The following SPART variants were observed in gnomAD, a reference collection of about 807,000 sequenced individuals.
The protein encoded by SPART is spastic paraplegia 20 (Troyer syndrome).
In SPART, 35 loss-of-function variants were observed where a neutral mutation model predicts 58.7. The ratio of observed to expected loss-of-function variants is 0.60; its 90% CI spans 0.46 to 0.79. SPART has a LOEUF of 0.79. SPART is among the 30% of genes least tolerant of loss of function. SPART has a pLI of 0.00. For missense variants in SPART, 730 were observed against 786.1 expected (o/e 0.93, Z 0.85); for synonymous variants, 284 against 280.7 (o/e 1.01, Z -0.12).
chr13:36,312,437 T>G lies in SPART; in HGVS notation c.1524A>C (p.Glu508Asp), dbSNP rs765952856. 1.2e-6 allele frequency: 2 copies of G among 1,614,172 alleles called. No homozygotes were observed. The highest frequency in any genetic ancestry group is 3.3e-5 in the Admixed American group (2 of 60,016). The change falls in exon 7 of 9, where the codon GAA becomes GAC. Residue 508 changes from glutamate to aspartate, a missense_variant. Coordinates refer to ENST00000438666, the MANE Select transcript of SPART (RefSeq NM_015087.5). ...VCTVANCVGK[E>D]LAPHVKKHGS... The stretch of plus-strand genomic sequence containing the variant: ...CATGCTTCTTGACATGTGGAGCTAG[T>G]TCTTTTCCAACGCAATTTGCTACAG...
chr13:36,347,844 CTAAA>C (rs1885241824), upstream of SPART, among the ~76,000 whole-genome samples: 1 of 152,146 alleles, frequency 6.6e-6, no homozygotes, highest in African/African-American at 2.4e-5. Context: ...CCAGTGGAAT[CTAAA>C]TACCAATTTA....
chr13:36,319,591 A>T (rs941602054), intron 5 of SPART, among the ~76,000 whole-genome samples: 2 of 151,210 alleles, frequency 1.3e-5, no homozygotes, highest in Non-Finnish European at 2.9e-5. Flanking sequence ...TCTGCATCTT[A>T]TCAACCAAAT....
chr13:36,355,828 TTAAAG>T (rs1303202502), intron 1 of SPART, among the ~76,000 whole-genome samples: 4 of 129,448 alleles, frequency 3.1e-5, no homozygotes, highest in Non-Finnish European at 7.2e-5. Context: ...GTTTTTCTCA[TTAAAG>T]TAATGGCAAA....
In SPART at chr13:36,333,429, A is replaced by ATTT. The variant is rs34312130; in HGVS notation, c.810+1589_810+1591dup. On this transcript the variant is annotated intron_variant, in intron 2 of 8. Transcript: ENST00000438666. ...TAGTATTTAGTTGGATTATTATTGTATTTTTTTTTTTTTTTTGGATAAAAA... is the reference window on the plus strand; with the variant it reads ...TAGTATTTAGTTGGATTATTATTGTATTTTTTTTTTTTTTTTTTTGGATAAAAA... Among the ~76,000 whole-genome samples the ATTT allele has an allele frequency of 5.1e-3, 680 of 132,324 alleles. 3 individuals are homozygous for ATTT. Among genetic ancestry groups the ATTT allele is most frequent in the East Asian group, 0.018 (81 of 4,550 alleles). The allele number at this position is 132,324 out of a possible 152,430, so 86.8% of individuals were successfully genotyped here.
chr13:36,324,819 T>C (rs548385796), intron 5 of SPART, among the ~76,000 whole-genome samples: 1 of 151,990 alleles, frequency 6.6e-6, no homozygotes, highest in African/African-American at 2.4e-5. Flanking sequence ...TTTTATAGGA[T>C]TTGGGTAGAT....
At chr13:36,358,839 A>G (rs909577745) in intron 1 of SPART, among the ~76,000 whole-genome samples, 4 of 152,218 alleles carry the variant, frequency 2.6e-5, no homozygotes, top group Admixed American at 6.5e-5. Flanking sequence ...CATCAGAATA[A>G]GTTAAAGGAC....
rs75903368 is a variant in SPART, at chr13:36,334,250, G to A, written c.810+771C>T. Among the ~76,000 whole-genome samples the A allele has an allele frequency of 7.0e-3, 1,067 of 152,200 alleles. 10 individuals are homozygous for A. The highest frequency in any genetic ancestry group is 0.024 in the African/African-American group (1,016 of 41,528). ...CTGTCACTGGACCACTCTCTTCAGAGTACCTCACTAAATCCACAGCAATGC... is the reference window on the plus strand; with the variant it reads ...CTGTCACTGGACCACTCTCTTCAGAATACCTCACTAAATCCACAGCAATGC... On this transcript the variant is annotated intron_variant, in intron 2 of 8. Transcript: ENST00000438666.
At chr13:36,352,425 G>A (rs1248921398) in intron 1 of SPART, among the ~76,000 whole-genome samples, 1 of 152,162 alleles carries the variant, frequency 6.6e-6, no homozygotes, top group Non-Finnish European at 1.5e-5. Flanking sequence ...ATGTGTAACA[G>A]AGTGGTGGAG....
chr13:36,314,828 T>C (rs1282624360), intron 5 of SPART, among the ~76,000 whole-genome samples: 1 of 152,200 alleles, frequency 6.6e-6, no homozygotes, highest in Non-Finnish European at 1.5e-5. Context: ...AGGCATCTCT[T>C]TTCCCCATGA....
intron 8 of SPART, among the ~76,000 whole-genome samples, chr13:36,307,859 T>A (rs1880673386): frequency 6.6e-6 from 1 of 152,116 alleles, no homozygotes; most frequent in Non-Finnish European, 1.5e-5. Context: ...AGTATAGTTA[T>A]TTAATCCTTT....
At chr13:36,330,702 G>C (rs1883380448) in intron 3 of SPART, among the ~76,000 whole-genome samples, 1 of 152,082 alleles carries the variant, frequency 6.6e-6, no homozygotes, top group South Asian at 2.1e-4. Flanking sequence ...CAAGTTCCCT[G>C]TTAAACAGAA....
At chr13:36,306,753 A>G (rs936487976) in intron 8 of SPART, among the ~76,000 whole-genome samples, 1 of 152,352 alleles carries the variant, frequency 6.6e-6, no homozygotes, top group Admixed American at 6.5e-5. Context: ...ATTTGGGAAA[A>G]AAAAACAGAA....
intron 1 of SPART, among the ~76,000 whole-genome samples, chr13:36,359,719 C>T (rs751835608): frequency 2.6e-5 from 4 of 152,060 alleles, no homozygotes; most frequent in Non-Finnish European, 4.4e-5. Context: ...ATCCTGAAGC[C>T]AGCTGTTCAA....
intron 1 of SPART, among the ~76,000 whole-genome samples, chr13:36,345,010 G>C (rs1215665231): frequency 6.6e-6 from 1 of 152,080 alleles, no homozygotes; most frequent in Non-Finnish European, 1.5e-5. Context: ...AAAATACCTA[G>C]CAATTTAGTT....
chr13:36,317,578 A>C (rs1881867896), intron 5 of SPART, among the ~76,000 whole-genome samples: 1 of 136,214 alleles, frequency 7.3e-6, no homozygotes, highest in Admixed American at 7.7e-5. Flanking sequence ...CCCATCCCTT[A>C]TTTCCACGCC....
chr13:36,327,930 G>A (rs970144108), intron 4 of SPART, among the ~76,000 whole-genome samples: 3 of 152,156 alleles, frequency 2.0e-5, no homozygotes, highest in Non-Finnish European at 4.4e-5. Flanking sequence ...GGAGGCGGAG[G>A]TTGCAGTCAG....
intron 5 of SPART, among the ~76,000 whole-genome samples, chr13:36,320,530 C>T (rs1003911506): frequency 6.6e-6 from 1 of 152,162 alleles, no homozygotes. Flanking sequence ...ATTTCCTTTC[C>T]ATCGTGGAAA....
chr13:36,312,961 C>T (rs1025867183), intron 6 of SPART, among the ~76,000 whole-genome samples: 5 of 151,510 alleles, frequency 3.3e-5, no homozygotes, highest in African/African-American at 4.9e-5. Context: ...TCAGTTATCT[C>T]GGTGAATAAA....
rs370077341 is a variant in SPART at position 36,363,401 on chromosome 13, T to TTCTC, written c.-3+6684_-3+6687dup. On this transcript the variant is annotated intron_variant, in intron 1 of 8. Transcript: ENST00000355182. ...CCTCTTTTTGTCTGTCTCTCTTTCT[T>TTCTC]TCTCTCTCTCTCTCTCTGAACTCTA... Among the ~76,000 whole-genome samples, 8 of 150,196 alleles carry TTCTC rather than the reference T, an allele frequency of 5.3e-5. 1 individual carries two copies. Among genetic ancestry groups the TTCTC allele is most frequent in the East Asian group, 1.9e-4 (1 of 5,160 alleles).
Sources: allele counts gnomAD v4.1 joint callset (sites outside exome capture counted in the v4.1 genomes callset), GRCh38; gene constraint gnomAD v4.1.1; transcripts MANE v1.5; gene names NCBI Gene and HGNC (gene_info 2026-07-23, HGNC 2026-07-21).